Variants in LGALS9 observed in about 807,000 individuals in gnomAD.
LGALS9 encodes galectin 9, also known as galectin-9.
A neutral mutation model predicts 35.9 loss-of-function variants in LGALS9; 26 were observed. The ratio of observed to expected loss-of-function variants is 0.72; its 90% CI spans 0.53 to 1.01. LGALS9 has a LOEUF of 1.01. LGALS9 is among the 50% of genes least tolerant of loss of function. LGALS9 has a pLI of 0.00. For missense variants in LGALS9, 347 were observed against 445.8 expected (o/e 0.78, Z 1.99); for synonymous variants, 149 against 172.2 (o/e 0.87, Z 1.06).
intron 4 of LGALS9, 113 bp downstream of exon 4, chr17:27,642,461 G>A: frequency 1.4e-6 from 2 of 1,470,916 alleles, no homozygotes; most frequent in Non-Finnish European, 1.8e-6. Flanking sequence ...GGTCACTCTG[G>A]GGACAACCTC....
intron 1 of LGALS9, among the ~76,000 whole-genome samples, chr17:27,636,434 C>CCATTT (rs1245755630): frequency 6.6e-6 from 1 of 152,158 alleles, no homozygotes; most frequent in Non-Finnish European, 1.5e-5. Context: ...AGATACCATT[C>CCATTT]CATTTCAAAT....
chr17:27,631,331 G>C (rs1598176292), intron 1 of LGALS9, 27 bp downstream of exon 1: 1 of 1,614,064 alleles, frequency 6.2e-7, no homozygotes, highest in Non-Finnish European at 8.5e-7. Flanking sequence ...TGGGCACAGG[G>C]CTGCCTCAGC....
intron 5 of LGALS9, chr17:27,644,475 A>T (rs1213002179): frequency 6.6e-6 from 1 of 152,416 alleles, no homozygotes; most frequent in Non-Finnish European, 1.5e-5. Context: ...GGACTCAGTG[A>T]ATGAATGTGG....
chr17:27,639,229 A>G (rs1221855740), intron 2 of LGALS9, among the ~76,000 whole-genome samples: 1 of 152,072 alleles, frequency 6.6e-6, no homozygotes, highest in Non-Finnish European at 1.5e-5. Flanking sequence ...TCTCTGAGAG[A>G]CTGCGGTGCC....
chr17:27,640,618 TTC>T lies in LGALS9; in HGVS notation c.179_180del (p.Phe60SerfsTer7). On this transcript the variant is annotated frameshift_variant, in exon 3 of 11. Coordinates refer to ENST00000395473, the MANE Select transcript of LGALS9 (RefSeq NM_009587.3). LOFTEE classifies it high-confidence loss of function. ...TGGCTTCAGTGGAAATGACATTGCC[TTC>T]CACTTCAACCCTCGGTTTGAAGATG... ...QTGFSGNDIA[F>X]HFNPRFEDGG... 9 of 1,614,170 alleles carry T rather than the reference TTC, an allele frequency of 5.6e-6. No homozygotes were observed. Among genetic ancestry groups the T allele is most frequent in the Non-Finnish European group, 7.6e-6 (9 of 1,179,990 alleles).
At chr17:27,642,185 T>TC in intron 3 of LGALS9, 53 bp from the exon 4 acceptor site, 5 of 1,575,468 alleles carry the variant, frequency 3.2e-6, no homozygotes, top group South Asian at 1.1e-5. Flanking sequence ...TCAGGGGTGG[T>TC]CCCCATCCCA....
intron 3 of LGALS9, 181 bp downstream of exon 3, chr17:27,640,954 T>G (rs1191828624): frequency 1.0e-6 from 1 of 954,032 alleles, no homozygotes; most frequent in East Asian, 2.6e-5. Flanking sequence ...CACCTTCATC[T>G]GAATCTACAG....
At chr17:27,645,700 C>T (rs1392675841) in intron 6 of LGALS9, 161 bp from the exon 7 acceptor site, 30 of 633,322 alleles carry the variant, frequency 4.7e-5, no homozygotes, top group Non-Finnish European at 7.7e-5. Flanking sequence ...CTCGCTCATC[C>T]CCTTGAGAGA....
intron 3 of LGALS9, chr17:27,641,031 T>C (rs1258876291): frequency 1.5e-6 from 1 of 682,712 alleles, no homozygotes; most frequent in Admixed American, 2.1e-5. Flanking sequence ...CTATTTGGTG[T>C]TGTGTGTCTT....
At chr17:27,645,167 G>C in intron 5 of LGALS9, 147 bp from the exon 6 acceptor site, 4 of 1,561,626 alleles carry the variant, frequency 2.6e-6, no homozygotes, top group Non-Finnish European at 3.5e-6. Flanking sequence ...CACGGGCTCA[G>C]GAAGGCTTGC....
intron 1 of LGALS9, among the ~76,000 whole-genome samples, chr17:27,634,965 A>T (rs2074430091): frequency 6.6e-6 from 1 of 152,232 alleles, no homozygotes; most frequent in African/African-American, 2.4e-5. Flanking sequence ...ATCAGTGCTC[A>T]GAGTTCTGTC....
At chr17:27,636,777 G>T (rs1039737279) in intron 1 of LGALS9, among the ~76,000 whole-genome samples, 1 of 151,962 alleles carries the variant, frequency 6.6e-6, no homozygotes, top group Non-Finnish European at 1.5e-5. Flanking sequence ...CCAGCCAGGA[G>T]CTTTTACATA....
intron 4 of LGALS9, among the ~76,000 whole-genome samples, chr17:27,642,755 A>T (rs969542491): frequency 4.6e-5 from 7 of 152,176 alleles, no homozygotes. Context: ...TGGTTTCTTC[A>T]TCTGTAGAAT....
rs1905028740 is a variant in LGALS9 at position 27,647,321 on chromosome 17, C to T, written c.810C>T (p.Pro270=). 2 of 1,614,178 alleles carry T rather than the reference C, an allele frequency of 1.2e-6. No homozygotes were observed. Among genetic ancestry groups the T allele is most frequent in the Non-Finnish European group, 1.7e-6 (2 of 1,180,040 alleles). ...SGNHIAFHLN[P]RFDENAVVRN... ...ACCACATCGCCTTCCACCTGAACCC[C>T]CGTTTTGATGAGAATGCTGTGGTCC... Residue 270 remains proline, a synonymous_variant, in exon 10 of 11, where the codon CCC becomes CCT. Transcript: ENST00000395473.
At chr17:27,642,517 C>T (rs1469837801) in intron 4 of LGALS9, 169 bp downstream of exon 4, 1 of 1,153,332 alleles carries the variant, frequency 8.7e-7, no homozygotes. Context: ...CTCTGTCACT[C>T]TGCCCCTCCT....
Position 27,647,265 on chromosome 17 carries a change from C to T in LGALS9, c.759-5C>T, listed in dbSNP as rs1182865427. On this transcript the variant is annotated splice_region_variant and splice_polypyrimidine_tract_variant and intron_variant, in intron 9 of 10. Coordinates refer to ENST00000395473, the MANE Select transcript of LGALS9 (RefSeq NM_009587.3). ...ATAAAGGTTCAGGTGGGCTGCCCAC[C>T]CCAGGTTCCACATCAACCTGTGCTC... is the stretch of plus-strand genomic sequence containing the variant. 6.2e-7 allele frequency: 1 copy of T among 1,613,768 alleles called. No homozygotes were observed.
In LGALS9 at chr17:27,649,288, T is replaced by G; in HGVS notation, c.*306T>G. The G allele has an allele frequency of 2.1e-6, 1 of 471,366 alleles. No individual in the cohort carries two copies. Among genetic ancestry groups the G allele is most frequent in the South Asian group, 2.1e-5 (1 of 47,322 alleles). The allele number at this position is 471,366 out of a possible 1,614,324, so 29.2% of individuals were successfully genotyped here. On this transcript the variant is annotated 3_prime_UTR_variant, in exon 11 of 11. Coordinates refer to ENST00000395473, the MANE Select transcript of LGALS9 (RefSeq NM_009587.3). ...GGGCAGTGAAGATGAAGCCCCATGC[T>G]CAGTCCCCTCCCATCCCCCACGCAG...
In LGALS9 at chr17:27,646,603, AG is replaced by A. The variant is rs1208966373; in HGVS notation, c.669+18del. ...ACCCCGCCTATGTAAGTGGTTTCTC[AG>A]GGAGGGCAGAGGTTCTGTTTGTGGT... On this transcript the variant is annotated intron_variant, in intron 8 of 10. Coordinates refer to ENST00000395473, the MANE Select transcript of LGALS9 (RefSeq NM_009587.3). The A allele has an allele frequency of 6.2e-7, 1 of 1,612,788 alleles. No individual in the cohort carries two copies.
At position 27,645,258 on chromosome 17, in the gene LGALS9, C is replaced by T. The variant is rs561519664; in HGVS notation, c.541-56C>T. The T allele has an allele frequency of 8.7e-6, 14 of 1,613,680 alleles. No individual in the cohort carries two copies. The African/African-American group carries it at 1.3e-4, about 15-fold the overall frequency. On this transcript the variant is annotated intron_variant, in intron 5 of 10. Transcript: ENST00000395473. ...CTCCCTGGAGTTTTGCCACCATCTC[C>T]TCCCATTCTGTGGTGCCCGCGATAA...
Sources: allele counts gnomAD v4.1 joint callset (sites outside exome capture counted in the v4.1 genomes callset), GRCh38; gene constraint gnomAD v4.1.1; transcripts MANE v1.5; gene names NCBI Gene and HGNC (gene_info 2026-07-23, HGNC 2026-07-21).